TBCD: variants seen among roughly 807,000 people sequenced by gnomAD.
The protein encoded by TBCD is tubulin-specific chaperone D.
Under a neutral mutation model 169.3 loss-of-function variants are expected in TBCD, and 105 were observed. The ratio of observed to expected loss-of-function variants is 0.62; its 90% CI spans 0.53 to 0.73. The LOEUF is 0.73. TBCD is among the 30% of genes least tolerant of loss of function. The pLI is 0.00. For missense variants in TBCD, 1,444 were observed against 1,600.1 expected (o/e 0.90, Z 1.66); for synonymous variants, 700 against 643.9 (o/e 1.09, Z -1.32).
chr17:82,761,441 G>A (rs113610225), intron 2 of TBCD, among the ~76,000 whole-genome samples: 9 of 152,028 alleles, frequency 5.9e-5, no homozygotes, highest in African/African-American at 1.4e-4. Flanking sequence ...TTTGAGTTTC[G>A]GTAAATGTAT....
At chr17:82,762,740 C>T (rs2047829408) in intron 2 of TBCD, among the ~76,000 whole-genome samples, 1 of 151,458 alleles carries the variant, frequency 6.6e-6, no homozygotes, top group South Asian at 2.1e-4. Context: ...CAGAGTGAGA[C>T]TCTGTCTCCA....
intron 30 of TBCD, 73 bp from the exon 31 acceptor site, chr17:82,929,040 G>C: frequency 6.5e-7 from 1 of 1,537,460 alleles, no homozygotes; most frequent in Non-Finnish European, 8.7e-7. Flanking sequence ...GGCTCGGACC[G>C]CCTGTGCTCA....
chr17:82,769,791 C>T (rs1349591829), intron 5 of TBCD, among the ~76,000 whole-genome samples: 1 of 151,368 alleles, frequency 6.6e-6, no homozygotes, highest in Non-Finnish European at 1.5e-5. Flanking sequence ...GCAGAAGAAT[C>T]CCTTGAACCT....
chr17:82,865,592 AGG>A, intron 13 of TBCD: 1 of 968,890 alleles, frequency 1.0e-6, no homozygotes, highest in Non-Finnish European at 1.2e-6. Flanking sequence ...CGAAATGGGA[AGG>A]CCTGACAGGG....
chr17:82,930,230 G>A lies in TBCD; in HGVS notation c.2992-292G>A, dbSNP rs1363003969. The A allele has an allele frequency of 6.9e-6, 3 of 431,996 alleles. No homozygotes were observed. The highest frequency in any genetic ancestry group is 6.2e-4 in the Middle Eastern group (1 of 1,602). The allele number at this position is 431,996 out of a possible 1,614,324, so 26.8% of individuals were successfully genotyped here. ...CAAATCCCGCTTCAGTGGGAAACGT[G>A]AGCGAAACCCAAGGTGAGTGGCCGC... On this transcript the variant is annotated intron_variant, in intron 32 of 38. Coordinates refer to ENST00000355528, the MANE Select transcript of TBCD (RefSeq NM_005993.5). This position sits in a 1 kb window ranked among gnomAD's most constrained non-coding sequence, Gnocchi z 5.2.
chr17:82,839,582 C>T (rs1257842076), intron 13 of TBCD, among the ~76,000 whole-genome samples: 1 of 152,220 alleles, frequency 6.6e-6, no homozygotes, highest in Non-Finnish European at 1.5e-5. Context: ...ATGACCCTTA[C>T]CTCTTGTTAG....
chr17:82,941,585 C>T (rs766939949), intron 38 of TBCD, 102 bp downstream of exon 38: 95 of 1,033,016 alleles, frequency 9.2e-5, no homozygotes, highest in Middle Eastern at 7.0e-4. Flanking sequence ...CACGTCCACA[C>T]GGCCCGTTCC....
intron 6 of TBCD, among the ~76,000 whole-genome samples, chr17:82,779,978 A>T (rs1438066359): frequency 1.3e-5 from 2 of 152,134 alleles, no homozygotes; most frequent in Non-Finnish European, 2.9e-5. Flanking sequence ...CCCTCCTGGC[A>T]TCACTGCCGT....
intron 11 of TBCD, among the ~76,000 whole-genome samples, chr17:82,808,529 G>A (rs1175989060): frequency 7.6e-6 from 1 of 131,640 alleles, no homozygotes; most frequent in East Asian, 2.5e-4. Flanking sequence ...CTGTGGAGGG[G>A]ATGAGGCAGG....
At chr17:82,871,729 G>A (rs1157084067) in intron 14 of TBCD, among the ~76,000 whole-genome samples, 1 of 152,204 alleles carries the variant, frequency 6.6e-6, no homozygotes, top group Non-Finnish European at 1.5e-5. Context: ...CCTCTGCCCC[G>A]CACGCCCCGC....
chr17:82,800,678 C>T (rs531801845), intron 8 of TBCD, among the ~76,000 whole-genome samples, 186 bp from the exon 9 acceptor site: 1 of 152,266 alleles, frequency 6.6e-6, no homozygotes, highest in East Asian at 1.9e-4. Flanking sequence ...TGTTGCTTCA[C>T]AGCAAGGAAG....
In TBCD at chr17:82,832,343, A is replaced by G; in HGVS notation, c.1318+17409A>G. 1 of 1,614,122 alleles carries G rather than the reference A, an allele frequency of 6.2e-7. No homozygotes were observed. Among genetic ancestry groups the G allele is most frequent in the Non-Finnish European group, 8.5e-7 (1 of 1,180,026 alleles). On this transcript the variant is annotated intron_variant, in intron 13 of 38. Coordinates refer to ENST00000355528, the MANE Select transcript of TBCD (RefSeq NM_005993.5). This position sits in a 1 kb window ranked among gnomAD's most constrained non-coding sequence, Gnocchi z 4.9. Reference sequence around the variant, plus strand: ...TACTTCATGTGATTAAAAAGATGTGACTTCTCATTGCAAGTAAAGGGACAT... The same window carrying G: ...TACTTCATGTGATTAAAAAGATGTGGCTTCTCATTGCAAGTAAAGGGACAT...
At chr17:82,925,369 C>T (rs1012717528) in intron 27 of TBCD, among the ~76,000 whole-genome samples, 12 of 152,280 alleles carry the variant, frequency 7.9e-5, no homozygotes, top group South Asian at 2.1e-4. Context: ...TGCCTTTGTG[C>T]GTTGTGGAGC....
chr17:82,929,197 G>A lies in TBCD; in HGVS notation c.2778G>A (p.Leu926=). ...GTGCTCACGCCGCCAGCGTGTTCCT[G>A]ACGCTCCTGCACTTTGACAGCCCTC... The part of the protein sequence containing the change: ...RFRAHAASVF[L]TLLHFDSPPI... The change falls in exon 31 of 39, where the codon CTG becomes CTA. Residue 926 remains leucine (L), a synonymous_variant. Transcript: ENST00000355528. The A allele has an allele frequency of 6.2e-7, 1 of 1,613,866 alleles. No homozygotes were observed. The highest frequency in any genetic ancestry group is 8.5e-7 in the Non-Finnish European group (1 of 1,179,874).
chr17:82,819,044 C>G (rs1249860270), intron 13 of TBCD, among the ~76,000 whole-genome samples: 1 of 152,008 alleles, frequency 6.6e-6, no homozygotes, highest in East Asian at 1.9e-4. Context: ...GGTGACAGAG[C>G]AAGATCCTGT....
At chr17:82,821,929 TAA>T (rs1001337504) in intron 13 of TBCD, among the ~76,000 whole-genome samples, 1 of 152,268 alleles carries the variant, frequency 6.6e-6, no homozygotes, top group African/African-American at 2.4e-5. Context: ...TAAATTTTTA[TAA>T]GTTTATATAA....
rs2053683275 is a variant in TBCD at position 82,833,359 on chromosome 17, A to C, written c.1318+18425A>C. On this transcript the variant is annotated intron_variant, in intron 13 of 38. Transcript: ENST00000355528. This position sits in a 1 kb window ranked among gnomAD's most constrained non-coding sequence, Gnocchi z 4.7. Reference sequence around the variant, plus strand: ...ACTCGTGGCAGTTTCTGCCCACTTTAGCCACGTCGTTGGTGTATTCTAGTG... The same window carrying C: ...ACTCGTGGCAGTTTCTGCCCACTTTCGCCACGTCGTTGGTGTATTCTAGTG... Among the ~76,000 whole-genome samples the C allele has an allele frequency of 6.6e-6, 1 of 152,136 alleles. No homozygotes were observed. Among genetic ancestry groups the C allele is most frequent in the Non-Finnish European group, 1.5e-5 (1 of 68,028 alleles).
At chr17:82,934,962 G>A (rs1040174674) in intron 34 of TBCD, among the ~76,000 whole-genome samples, 1 of 152,188 alleles carries the variant, frequency 6.6e-6, no homozygotes, top group Admixed American at 6.5e-5. Flanking sequence ...TTAGCCGGGT[G>A]TGGTGGTGCC....
At chr17:82,905,269 G>C (rs560622914) in intron 19 of TBCD, among the ~76,000 whole-genome samples, 2 of 152,200 alleles carry the variant, frequency 1.3e-5, no homozygotes, top group African/African-American at 4.8e-5. Flanking sequence ...GGAGTGTGTC[G>C]TCCTCCTCCA....
Sources: allele counts gnomAD v4.1 joint callset (sites outside exome capture counted in the v4.1 genomes callset), GRCh38; gene constraint gnomAD v4.1.1; non-coding constraint Gnocchi (gnomAD v3.1); transcripts MANE v1.5; gene names NCBI Gene and HGNC (gene_info 2026-07-23, HGNC 2026-07-21).